The following VPS50 variants were observed in gnomAD, a reference collection of about 807,000 sequenced individuals.
VPS50 encodes syndetin.
VPS50 carries 70 observed loss-of-function variants against 139.7 expected under a neutral mutation model. The ratio of observed to expected loss-of-function variants is 0.50; its 90% CI spans 0.41 to 0.61. The LOEUF is 0.61. VPS50 is among the 20% of genes least tolerant of loss of function. The probability of loss-of-function intolerance (pLI) is 0.00; values close to 1 mark genes in which losing one functional copy is unlikely to be tolerated. For synonymous variants in VPS50, 365 were observed against 376.7 expected, an observed-to-expected ratio of 0.97 and a Z score of 0.36; for missense variants, 921 against 1,133.7, an observed-to-expected ratio of 0.81 and a Z score of 2.69.
chr7:93,320,108 AT>A (rs1467970386), intron 20 of VPS50, among the ~76,000 whole-genome samples: 2 of 152,056 alleles, frequency 1.3e-5, no homozygotes, highest in African/African-American at 2.4e-5. Context: ...CTTACAAGCC[AT>A]TGTGGGTTTC....
intron 12 of VPS50, among the ~76,000 whole-genome samples, chr7:93,286,199 A>G (rs1796480015): frequency 6.6e-6 from 1 of 152,174 alleles, no homozygotes; most frequent in Non-Finnish European, 1.5e-5. Flanking sequence ...CTATTCTTAA[A>G]AAAATTTCAA....
In VPS50 at chr7:93,258,136, CTATT is replaced by C; in HGVS notation, c.423-18_423-15del. 1 of 977,414 alleles carries C rather than the reference CTATT, an allele frequency of 1.0e-6. No homozygotes were observed. Among genetic ancestry groups the C allele is most frequent in the Non-Finnish European group, 1.6e-6 (1 of 619,042 alleles). 60.5% of individuals were successfully genotyped at this position (977,414 alleles called of 1,614,324 possible). ...TCTTATTATAATAAAAAACTTTTAACTATTTATTGTTCACTTTTGCAGACACTTG... is the reference window on the plus strand; with the variant it reads ...TCTTATTATAATAAAAAACTTTTAACTATTGTTCACTTTTGCAGACACTTG... On this transcript the variant is annotated intron_variant, in intron 6 of 27. Coordinates refer to ENST00000305866, the MANE Select transcript of VPS50 (RefSeq NM_017667.4).
intron 20 of VPS50, among the ~76,000 whole-genome samples, chr7:93,313,812 G>A (rs761813992): frequency 2.0e-5 from 3 of 152,120 alleles, no homozygotes; most frequent in Non-Finnish European, 4.4e-5. Flanking sequence ...ACTCTGTGAA[G>A]AGAATTTGAC....
intron 23 of VPS50, 128 bp downstream of exon 23, chr7:93,341,703 G>A: frequency 1.8e-6 from 1 of 563,358 alleles, no homozygotes; most frequent in Non-Finnish European, 3.0e-6. Flanking sequence ...ATATGTTTCT[G>A]AGAAGTATAT....
intron 12 of VPS50, among the ~76,000 whole-genome samples, chr7:93,284,249 C>A (rs115348787): frequency 0.015 from 2,271 of 152,184 alleles, 71 homozygotes; most frequent in African/African-American, 0.052. Flanking sequence ...TCCCAAACAC[C>A]TGATTATTTG....
At chr7:93,336,298 G>A (rs1163066741) in intron 22 of VPS50, among the ~76,000 whole-genome samples, 1 of 151,986 alleles carries the variant, frequency 6.6e-6, no homozygotes, top group Non-Finnish European at 1.5e-5. Context: ...AATCATTGTG[G>A]TCTTAAAAGT....
intron 20 of VPS50, among the ~76,000 whole-genome samples, chr7:93,317,512 GCA>G (rs1171661559): frequency 6.6e-6 from 1 of 152,174 alleles, no homozygotes; most frequent in Non-Finnish European, 1.5e-5. Context: ...AGCTGAGATC[GCA>G]CCACTGCATT....
chr7:93,325,616 C>T (rs1296710919), intron 21 of VPS50, among the ~76,000 whole-genome samples: 1 of 151,934 alleles, frequency 6.6e-6, no homozygotes, highest in African/African-American at 2.4e-5. Flanking sequence ...AAAAAACAAC[C>T]CCATCAAAAA....
intron 5 of VPS50, 28 bp downstream of exon 5, chr7:93,256,590 G>T: frequency 7.9e-7 from 1 of 1,264,464 alleles, no homozygotes. Context: ...ATTTTTTGTA[G>T]TAGAATTTTT....
intron 12 of VPS50, among the ~76,000 whole-genome samples, chr7:93,285,473 C>T (rs575484743): frequency 6.6e-6 from 1 of 152,124 alleles, no homozygotes; most frequent in South Asian, 2.1e-4. Flanking sequence ...GCTTTTCCTC[C>T]CGTATTTACT....
chr7:93,303,614 A>G (rs1797040633), intron 17 of VPS50, 64 bp downstream of exon 17: 3 of 670,728 alleles, frequency 4.5e-6, no homozygotes, highest in Non-Finnish European at 7.5e-6. Flanking sequence ...TTTTTTTTGA[A>G]AAAAAAAATC....
intron 2 of VPS50, among the ~76,000 whole-genome samples, chr7:93,244,958 G>C (rs1279641177): frequency 6.6e-6 from 1 of 151,786 alleles, no homozygotes; most frequent in Non-Finnish European, 1.5e-5. Context: ...AATCATATAA[G>C]TTCATTCATA....
intron 14 of VPS50, among the ~76,000 whole-genome samples, chr7:93,296,252 C>A (rs1176845897): frequency 1.3e-5 from 2 of 151,986 alleles, no homozygotes; most frequent in Non-Finnish European, 2.9e-5. Context: ...ATATTAAACT[C>A]ATAACCATAT....
intron 22 of VPS50, among the ~76,000 whole-genome samples, chr7:93,336,314 C>T (rs1798069388): frequency 6.6e-6 from 1 of 151,960 alleles, no homozygotes; most frequent in Non-Finnish European, 1.5e-5. Flanking sequence ...AAAGTGCCAC[C>T]CGAAATAATT....
chr7:93,323,522 A>T (rs943932422), intron 20 of VPS50, 89 bp from the exon 21 acceptor site: 2 of 385,612 alleles, frequency 5.2e-6, no homozygotes, highest in African/African-American at 2.1e-5. Context: ...TAAATATTTT[A>T]GTATAATAAT....
At chr7:93,296,616 A>G in intron 14 of VPS50, 126 bp from the exon 15 acceptor site, 1 of 1,460,070 alleles carries the variant, frequency 6.8e-7, no homozygotes, top group Non-Finnish European at 9.0e-7. Flanking sequence ...GCCTAAATAG[A>G]TATTCGTTAA....
At chr7:93,248,227 A>G (rs1795214129) in intron 2 of VPS50, among the ~76,000 whole-genome samples, 1 of 151,978 alleles carries the variant, frequency 6.6e-6, no homozygotes, top group Admixed American at 6.6e-5. Context: ...ATGTTTAAGT[A>G]TGGTGTAAGA....
chr7:93,323,662 T>C lies in VPS50; in HGVS notation c.1907T>C (p.Ile636Thr). Residue 636 changes from isoleucine to threonine, a missense_variant, in exon 21 of 28, where the codon ATT (isoleucine) becomes ACT (threonine). Ile to Thr is a moderately conservative substitution (Grantham distance 89). Transcript: ENST00000305866. The stretch of plus-strand genomic sequence containing the variant: ...CTTAAGCCAATTGCCTTTGATGTTA[T>C]TCATTTCATGTCTCAACTATTTGAT... ...NILKPIAFDV[I>T]HFMSQLFDYY... is the part of the protein sequence containing the mutation. 1.5e-6 allele frequency: 2 copies of C among 1,368,180 alleles called. No homozygotes were observed. The highest frequency in any genetic ancestry group is 2.0e-6 in the Non-Finnish European group (2 of 1,012,796). 84.8% of individuals were successfully genotyped at this position (1,368,180 alleles called of 1,614,324 possible).
intron 15 of VPS50, 24 bp downstream of exon 15, chr7:93,296,860 T>C (rs745689557): frequency 6.4e-7 from 1 of 1,570,950 alleles, no homozygotes; most frequent in Middle Eastern, 2.0e-4. Context: ...TCTTGTCTTA[T>C]TCTTTAGTTT....
Sources: allele counts gnomAD v4.1 joint callset (sites outside exome capture counted in the v4.1 genomes callset), GRCh38; gene constraint gnomAD v4.1.1; transcripts MANE v1.5; gene names NCBI Gene and HGNC (gene_info 2026-07-23, HGNC 2026-07-21).